The following SUZ12 variants were observed in gnomAD, a reference collection of about 807,000 sequenced individuals.
SUZ12 encodes SUZ12 polycomb repressive complex 2 subunit.
Under a neutral mutation model 87.3 loss-of-function variants are expected in SUZ12, and 17 were observed. The observed-to-expected ratio is 0.19, with a 90% confidence interval of 0.13 to 0.29. SUZ12 has a LOEUF of 0.29. Ranked by LOEUF, SUZ12 falls within the 10% of genes least tolerant of loss-of-function variation. The pLI is 1.00. For missense variants in SUZ12, 526 were observed against 912.2 expected (o/e 0.58, Z 5.45); for synonymous variants, 253 against 312.4 (o/e 0.81, Z 2.01).
intron 4 of SUZ12, among the ~76,000 whole-genome samples, chr17:31,956,498 A>G (rs1290846485): frequency 6.6e-6 from 1 of 152,122 alleles, no homozygotes; most frequent in Admixed American, 6.6e-5. Context: ...CAGTTTTTAA[A>G]TATATATAGT....
intron 4 of SUZ12, among the ~76,000 whole-genome samples, chr17:31,959,931 G>A (rs1907593749): frequency 6.6e-6 from 1 of 152,018 alleles, no homozygotes; most frequent in South Asian, 2.1e-4. Context: ...TACTTCCTGA[G>A]AAGATGCAGG....
chr17:31,940,513 C>T (rs1259571832), intron 3 of SUZ12, 27 bp downstream of exon 3: 1 of 1,511,846 alleles, frequency 6.6e-7, no homozygotes, highest in Non-Finnish European at 8.8e-7. Flanking sequence ...TTATTTCAAG[C>T]TGATCAAACC....
At chr17:31,967,140 A>G (rs1908141297) in intron 5 of SUZ12, 1 of 152,052 alleles carries the variant, frequency 6.6e-6, no homozygotes, top group East Asian at 1.9e-4. Context: ...CGGAGGTTGC[A>G]ATGAGCTGAG....
At chr17:31,995,515 A>G (rs1450059128) in intron 13 of SUZ12, 49 bp from the exon 14 acceptor site, 2 of 1,478,380 alleles carry the variant, frequency 1.4e-6, no homozygotes, top group Non-Finnish European at 1.9e-6. Flanking sequence ...GTGAGGTTAG[A>G]TGGTATACAT....
At chr17:31,985,158 CAAAAA>C (rs34227080) in intron 9 of SUZ12, among the ~76,000 whole-genome samples, 1 of 72,892 alleles carries the variant, frequency 1.4e-5, no homozygotes, top group Non-Finnish European at 2.7e-5. Context: ...GACTCTGTCT[CAAAAA>C]AAAAAAAAAA....
At chr17:31,962,762 A>G (rs1907814149) in intron 4 of SUZ12, among the ~76,000 whole-genome samples, 1 of 152,364 alleles carries the variant, frequency 6.6e-6, no homozygotes, top group African/African-American at 2.4e-5. Flanking sequence ...AGGAAATGAG[A>G]ACCATTTCAG....
chr17:31,968,341 G>C (rs1020855557), intron 5 of SUZ12, among the ~76,000 whole-genome samples: 1 of 151,980 alleles, frequency 6.6e-6, no homozygotes, highest in African/African-American at 2.4e-5. Flanking sequence ...TGATCCTCCT[G>C]CCTCAGCCTC....
chr17:31,938,879 A>G (rs1220864343), intron 1 of SUZ12, among the ~76,000 whole-genome samples: 3 of 152,216 alleles, frequency 2.0e-5, no homozygotes, highest in Non-Finnish European at 4.4e-5. Context: ...TGTCATTAAG[A>G]GCTAGATCTG....
chr17:31,956,274 A>T (rs1225395561), intron 4 of SUZ12, among the ~76,000 whole-genome samples: 2 of 150,576 alleles, frequency 1.3e-5, no homozygotes, highest in East Asian at 2.0e-4. Flanking sequence ...ACTCACTGCA[A>T]CCTCCGCCTC....
intron 3 of SUZ12, among the ~76,000 whole-genome samples, chr17:31,947,194 A>T (rs1198214823): frequency 1.3e-5 from 2 of 152,186 alleles, no homozygotes; most frequent in South Asian, 4.1e-4. Flanking sequence ...AGTATAAGGC[A>T]CTATGCCAGC....
At chr17:31,948,291 T>C (rs558858721) in intron 4 of SUZ12, among the ~76,000 whole-genome samples, 1 of 152,214 alleles carries the variant, frequency 6.6e-6, no homozygotes, top group Non-Finnish European at 1.5e-5. Context: ...ATCTGTCTAC[T>C]CTAGATAGTA....
chr17:31,955,869 A>G (rs1907294720), intron 4 of SUZ12, among the ~76,000 whole-genome samples: 1 of 151,968 alleles, frequency 6.6e-6, no homozygotes, highest in South Asian at 2.1e-4. Context: ...AGTGTGAACC[A>G]TTACACCCAG....
intron 4 of SUZ12, among the ~76,000 whole-genome samples, chr17:31,953,636 A>C (rs562581225): frequency 6.6e-6 from 1 of 151,250 alleles, no homozygotes; most frequent in Admixed American, 6.6e-5. Context: ...TTGAACTCCT[A>C]TCCTCAAGTG....
chr17:31,944,855 G>A (rs1231167555), intron 3 of SUZ12, among the ~76,000 whole-genome samples: 2 of 151,912 alleles, frequency 1.3e-5, no homozygotes, highest in African/African-American at 4.8e-5. Flanking sequence ...ACATTTAAAG[G>A]CGAGAGTTAT....
chr17:31,991,573 C>T (rs1465689019), intron 10 of SUZ12, among the ~76,000 whole-genome samples: 1 of 151,658 alleles, frequency 6.6e-6, no homozygotes, highest in Non-Finnish European at 1.5e-5. Flanking sequence ...GGAAATATAC[C>T]AGAATCATTT....
At chr17:31,959,850 G>T (rs1468238352) in intron 4 of SUZ12, among the ~76,000 whole-genome samples, 3 of 152,196 alleles carry the variant, frequency 2.0e-5, no homozygotes, top group Non-Finnish European at 2.9e-5. Flanking sequence ...TCAGATGTTT[G>T]TGCTTGGAAT....
At chr17:31,985,090 C>G (rs1017116920) in intron 9 of SUZ12, among the ~76,000 whole-genome samples, 1 of 137,884 alleles carries the variant, frequency 7.3e-6, no homozygotes, top group Non-Finnish European at 1.5e-5. Context: ...ACCTGGGAGG[C>G]AGAGGTTTCA....
intron 4 of SUZ12, among the ~76,000 whole-genome samples, chr17:31,955,292 T>G (rs1206526924): frequency 1.3e-5 from 2 of 152,042 alleles, no homozygotes; most frequent in Non-Finnish European, 2.9e-5. Context: ...AAAAAAAGGT[T>G]TTTTTAGGAG....
chr17:31,990,121 A>ATT (rs59793925), intron 10 of SUZ12, among the ~76,000 whole-genome samples: 161 of 99,804 alleles, frequency 1.6e-3, no homozygotes, highest in African/African-American at 5.0e-3. Flanking sequence ...TGCCCGGCTA[A>ATT]TTTTTTTTTT....
Sources: allele counts gnomAD v4.1 joint callset (sites outside exome capture counted in the v4.1 genomes callset), GRCh38; gene constraint gnomAD v4.1.1; transcripts MANE v1.5; gene names NCBI Gene and HGNC (gene_info 2026-07-23, HGNC 2026-07-21).